The following XKR6 variants were observed in gnomAD, a reference collection of about 807,000 sequenced individuals.
XKR6 encodes XK related 6, also known as XK-related protein 6.
A neutral mutation model predicts 56.7 loss-of-function variants in XKR6; 22 were observed. The observed-to-expected ratio is 0.39, with a 90% CI of 0.28 to 0.55. XKR6 has a LOEUF of 0.55. XKR6 is among the 20% of genes least tolerant of loss of function. The pLI is 0.66. For synonymous variants in XKR6, 524 were observed against 387.8 expected, an observed-to-expected ratio of 1.35 and a Z score of -4.13; for missense variants, 852 against 889.0, an observed-to-expected ratio of 0.96 and a Z score of 0.53.
chr8:10,956,653 A>G (rs1434842725), intron 1 of XKR6, among the ~76,000 whole-genome samples: 1 of 150,180 alleles, frequency 6.7e-6, no homozygotes, highest in Non-Finnish European at 1.5e-5. Context: ...CAGCATCATC[A>G]TTGCCTTTAG....
chr8:10,963,334 G>C (rs1234056380), intron 1 of XKR6, among the ~76,000 whole-genome samples: 2 of 152,160 alleles, frequency 1.3e-5, no homozygotes, highest in Non-Finnish European at 2.9e-5. Context: ...CTGTTTAAAA[G>C]AGCAGCCCTG....
At chr8:11,110,621 A>G (rs1179959231) in intron 1 of XKR6, among the ~76,000 whole-genome samples, 3 of 152,146 alleles carry the variant, frequency 2.0e-5, no homozygotes, top group Non-Finnish European at 4.4e-5. Flanking sequence ...GTTTTGGTCA[A>G]TTACTTGACC....
intron 1 of XKR6, among the ~76,000 whole-genome samples, chr8:11,017,652 T>C (rs1377858868): frequency 1.3e-5 from 2 of 152,154 alleles, no homozygotes; most frequent in Non-Finnish European, 2.9e-5. Context: ...CCTCACTTGA[T>C]CCATGTGGCA....
intron 1 of XKR6, chr8:11,111,585 A>G (rs1798895458): frequency 6.6e-6 from 1 of 152,220 alleles, no homozygotes; most frequent in Admixed American, 6.5e-5. Context: ...AAGAATAGGC[A>G]TAGGAGGAAT....
At chr8:11,040,987 T>A (rs1281351007) in intron 1 of XKR6, among the ~76,000 whole-genome samples, 2 of 151,978 alleles carry the variant, frequency 1.3e-5, no homozygotes, top group Non-Finnish European at 2.9e-5. Context: ...TTTGACCATC[T>A]CCTCCGTGCT....
intron 1 of XKR6, among the ~76,000 whole-genome samples, chr8:11,122,734 A>T (rs1052985203): frequency 6.6e-6 from 1 of 152,218 alleles, no homozygotes; most frequent in Non-Finnish European, 1.5e-5. Flanking sequence ...AATCACTGTC[A>T]ATCTGTTAGC....
intron 1 of XKR6, among the ~76,000 whole-genome samples, chr8:11,130,676 G>C (rs1800061981): frequency 6.6e-6 from 1 of 151,536 alleles, no homozygotes; most frequent in African/African-American, 2.4e-5. Flanking sequence ...CTCAGGAGCT[G>C]GTATCTCCTT....
chr8:10,955,421 TC>T (rs1192084944), intron 1 of XKR6, among the ~76,000 whole-genome samples: 2 of 152,054 alleles, frequency 1.3e-5, no homozygotes, highest in African/African-American at 2.4e-5. Flanking sequence ...GCTCTTGTGA[TC>T]CCCCCATGTA....
intron 2 of XKR6, among the ~76,000 whole-genome samples, chr8:10,915,115 T>C (rs1361689595): frequency 6.6e-6 from 1 of 152,252 alleles, no homozygotes; most frequent in Non-Finnish European, 1.5e-5. Flanking sequence ...TCTTGCTCTC[T>C]GTGCACTCCA....
At chr8:11,131,193 T>C (rs1800086019) in intron 1 of XKR6, among the ~76,000 whole-genome samples, 1 of 152,184 alleles carries the variant, frequency 6.6e-6, no homozygotes, top group African/African-American at 2.4e-5. Flanking sequence ...GTGAGCCTCT[T>C]TCATTTTCCA....
At chr8:10,959,139 A>G (rs1801984703) in intron 1 of XKR6, among the ~76,000 whole-genome samples, 1 of 152,134 alleles carries the variant, frequency 6.6e-6, no homozygotes, top group Non-Finnish European at 1.5e-5. Flanking sequence ...ATGCACAGAT[A>G]ATGACAGTTC....
intron 1 of XKR6, among the ~76,000 whole-genome samples, chr8:11,117,136 A>G (rs1799221074): frequency 1.3e-5 from 2 of 152,262 alleles, no homozygotes; most frequent in Admixed American, 6.5e-5. Context: ...AACGTCAAAG[A>G]TATTTTCATG....
chr8:11,080,153 A>C (rs969642668), intron 1 of XKR6, among the ~76,000 whole-genome samples: 8 of 151,894 alleles, frequency 5.3e-5, no homozygotes, highest in East Asian at 1.9e-4. Flanking sequence ...AAAAAAAAAA[A>C]CACACCCACT....
chr8:11,005,361 G>GATATATATAT (rs1050511719), intron 1 of XKR6, among the ~76,000 whole-genome samples: 8 of 148,782 alleles, frequency 5.4e-5, no homozygotes, highest in African/African-American at 2.1e-4. Flanking sequence ...GACTGTAGTA[G>GATATATATAT]ATATAGATAT....
At chr8:11,100,047 T>A (rs1473698144) in intron 1 of XKR6, among the ~76,000 whole-genome samples, 1 of 152,122 alleles carries the variant, frequency 6.6e-6, no homozygotes, top group Non-Finnish European at 1.5e-5. Flanking sequence ...CTCATTTTTT[T>A]TCTTTTCATT....
intron 1 of XKR6, among the ~76,000 whole-genome samples, chr8:11,190,740 G>A (rs963505821): frequency 6.6e-6 from 1 of 152,190 alleles, no homozygotes; most frequent in African/African-American, 2.4e-5. Context: ...CAACGTCCCA[G>A]AGGTAAAGCA....
chr8:10,994,572 T>A (rs1485458485), intron 1 of XKR6, among the ~76,000 whole-genome samples: 2 of 152,126 alleles, frequency 1.3e-5, no homozygotes, highest in African/African-American at 4.8e-5. Context: ...GGAACCAGAG[T>A]CCATGATCAG....
chr8:11,097,082 T>C (rs1418870710), intron 1 of XKR6, among the ~76,000 whole-genome samples: 1 of 152,172 alleles, frequency 6.6e-6, no homozygotes, highest in Non-Finnish European at 1.5e-5. Flanking sequence ...AAATCTGATT[T>C]CCTCAGAGAT....
chr8:10,898,423 C>G lies in XKR6; in HGVS notation c.1455G>C (p.Val485=). 6.2e-7 allele frequency: 1 copy of G among 1,614,064 alleles called. No individual in the cohort carries two copies. Among genetic ancestry groups the G allele is most frequent in the African/African-American group, 1.3e-5 (1 of 75,010 alleles). The change falls in exon 3 of 3, where the codon GTG becomes GTC. Residue 485 remains valine (V), a synonymous_variant. Transcript: ENST00000416569. This position sits in a 1 kb window ranked among gnomAD's most constrained non-coding sequence, Gnocchi z 6.6. ...PALCCVFISF[V]AGIAMMLLYY... is the part of the protein sequence containing the mutation. ...ATAAGAGCATCATTGCGATCCCAGC[C>G]ACAAAGCTAATAAAGACACAACACA...
Sources: allele counts gnomAD v4.1 joint callset (sites outside exome capture counted in the v4.1 genomes callset), GRCh38; gene constraint gnomAD v4.1.1; non-coding constraint Gnocchi (gnomAD v3.1); transcripts MANE v1.5; gene names NCBI Gene and HGNC (gene_info 2026-07-23, HGNC 2026-07-21).